Variants in KCNH5 observed in about 807,000 individuals in gnomAD.
KCNH5 encodes potassium voltage-gated channel subfamily H member 5, also known as voltage-gated delayed rectifier potassium channel KCNH5.
KCNH5 carries 46 observed loss-of-function variants against 96.1 expected under a neutral mutation model. The observed-to-expected ratio is 0.48, with a 90% CI of 0.38 to 0.61. The LOEUF is 0.61. Among genes scored for constraint, KCNH5 ranks in the 20% least tolerant of loss-of-function variants. The probability of loss-of-function intolerance (pLI) is 0.00; values close to 1 mark genes in which losing one functional copy is unlikely to be tolerated. For missense variants in KCNH5, 907 were observed against 1,225.8 expected, an observed-to-expected ratio of 0.74 and a Z score of 3.88; for synonymous variants, 439 against 449.8, an observed-to-expected ratio of 0.98 and a Z score of 0.30.
chr14:62,779,979 C>T (rs1886176145), intron 9 of KCNH5, 55 bp from the exon 10 acceptor site: 2 of 1,432,494 alleles, frequency 1.4e-6, no homozygotes, highest in Admixed American at 2.2e-5. Flanking sequence ...CTTATTTAAT[C>T]ACTCTTGTTA....
intron 1 of KCNH5, among the ~76,000 whole-genome samples, chr14:63,018,567 C>T (rs946452739): frequency 1.3e-5 from 2 of 151,978 alleles, no homozygotes; most frequent in African/African-American, 2.4e-5. Flanking sequence ...AGCCTTCCAT[C>T]TAAACAGAGA....
At chr14:62,926,302 T>C (rs1952281014) in intron 7 of KCNH5, among the ~76,000 whole-genome samples, 1 of 152,154 alleles carries the variant, frequency 6.6e-6, no homozygotes, top group African/African-American at 2.4e-5. Context: ...AACCACTATG[T>C]TGGATTTAGT....
intron 6 of KCNH5, among the ~76,000 whole-genome samples, chr14:62,962,239 CT>C (rs1168388758): frequency 3.3e-5 from 5 of 152,122 alleles, no homozygotes; most frequent in Non-Finnish European, 5.9e-5. Flanking sequence ...TGTTTCAGCC[CT>C]TTGACCAGGA....
chr14:62,988,925 C>T (rs1222910242), intron 4 of KCNH5, among the ~76,000 whole-genome samples: 2 of 152,004 alleles, frequency 1.3e-5, no homozygotes, highest in Non-Finnish European at 2.9e-5. Context: ...CTCTGCCTCA[C>T]TCATGCATCC....
chr14:62,951,483 G>T (rs1217633897), intron 6 of KCNH5, among the ~76,000 whole-genome samples: 1 of 152,136 alleles, frequency 6.6e-6, no homozygotes, highest in Non-Finnish European at 1.5e-5. Flanking sequence ...GTCATTACCT[G>T]CAAATCCATT....
intron 7 of KCNH5, among the ~76,000 whole-genome samples, chr14:62,882,686 T>C (rs1429375601): frequency 6.6e-6 from 1 of 152,218 alleles, no homozygotes; most frequent in Non-Finnish European, 1.5e-5. Flanking sequence ...TCTTTTTTAA[T>C]GTAGTTTACT....
At chr14:62,767,980 TC>T (rs1885900643) in intron 10 of KCNH5, among the ~76,000 whole-genome samples, 1 of 152,170 alleles carries the variant, frequency 6.6e-6, no homozygotes, top group African/African-American at 2.4e-5. Context: ...CCACAAGTTC[TC>T]ACTTATAACT....
At chr14:63,030,698 A>G (rs2032548711) in intron 1 of KCNH5, among the ~76,000 whole-genome samples, 1 of 152,178 alleles carries the variant, frequency 6.6e-6, no homozygotes, top group Admixed American at 6.5e-5. Flanking sequence ...GGTAGTTTTA[A>G]TGTGCAGCCA....
chr14:62,818,045 T>A (rs577139421), intron 8 of KCNH5, among the ~76,000 whole-genome samples: 1 of 130,912 alleles, frequency 7.6e-6, no homozygotes. Context: ...CTCACCTATA[T>A]GTGGAATCTA....
chr14:62,992,120 G>T (rs989537112), intron 4 of KCNH5, among the ~76,000 whole-genome samples: 1 of 151,862 alleles, frequency 6.6e-6, no homozygotes, highest in African/African-American at 2.4e-5. Context: ...TAAGATAACG[G>T]ATTCCAATTC....
At chr14:63,029,383 T>C (rs1891584348) in intron 1 of KCNH5, among the ~76,000 whole-genome samples, 1 of 152,150 alleles carries the variant, frequency 6.6e-6, no homozygotes, top group Admixed American at 6.6e-5. Context: ...ATACCCACCA[T>C]TCTGGATAGT....
At position 62,950,379 on chromosome 14, in the gene KCNH5, C is replaced by T. The variant is rs1889977673; in HGVS notation, c.1123G>A (p.Val375Ile). ...ATGGTGTTAGTGACTTCATCAATGA[C>T]CTCGTAGTCTCCGATGCTATACCAT... is the stretch of plus-strand genomic sequence containing the variant. The part of the protein sequence containing the change: ...CIWYSIGDYE[V>I]IDEVTNTIQI... The change falls in exon 7 of 11, where the codon GTC becomes ATC. Residue 375 changes from valine (V) to isoleucine (I), a missense_variant. Coordinates refer to ENST00000322893, the MANE Select transcript of KCNH5 (RefSeq NM_139318.5). 2 of 1,613,878 alleles carry T rather than the reference C, an allele frequency of 1.2e-6. No homozygotes were observed. The highest frequency in any genetic ancestry group is 1.1e-5 in the South Asian group (1 of 91,078).
At chr14:62,769,803 ACT>A (rs999332294) in intron 10 of KCNH5, among the ~76,000 whole-genome samples, 1 of 152,176 alleles carries the variant, frequency 6.6e-6, no homozygotes, top group East Asian at 1.9e-4. Context: ...TATATAGCAG[ACT>A]CTATTCTGGC....
chr14:62,735,656 C>T (rs1595599467), intron 10 of KCNH5, among the ~76,000 whole-genome samples: 1 of 152,316 alleles, frequency 6.6e-6, no homozygotes, highest in East Asian at 1.9e-4. Flanking sequence ...GCCAATGCCA[C>T]TGTTATGAAT....
intron 1 of KCNH5, among the ~76,000 whole-genome samples, chr14:63,036,512 A>C (rs1468711954): frequency 6.6e-6 from 1 of 152,136 alleles, no homozygotes; most frequent in East Asian, 1.9e-4. Flanking sequence ...CAAAAAAAAA[A>C]AAGTCAATCT....
At chr14:62,931,791 T>C (rs533751688) in intron 7 of KCNH5, among the ~76,000 whole-genome samples, 1 of 152,280 alleles carries the variant, frequency 6.6e-6, no homozygotes, top group South Asian at 2.1e-4. Context: ...CCTTCCCTAA[T>C]TCCACAGAGC....
At chr14:62,818,070 A>G (rs553539643) in intron 8 of KCNH5, among the ~76,000 whole-genome samples, 1 of 122,808 alleles carries the variant, frequency 8.1e-6, no homozygotes, top group South Asian at 2.9e-4. Context: ...ACTCAAACCC[A>G]TAGAAACAGG....
chr14:62,817,107 T>C (rs1001659302), intron 8 of KCNH5, among the ~76,000 whole-genome samples: 5 of 137,832 alleles, frequency 3.6e-5, no homozygotes, highest in Non-Finnish European at 6.2e-5. Flanking sequence ...TATAATTATA[T>C]ATGACATAAT....
chr14:62,890,471 G>A (rs1207181664), intron 7 of KCNH5, among the ~76,000 whole-genome samples: 1 of 151,870 alleles, frequency 6.6e-6, no homozygotes, highest in Non-Finnish European at 1.5e-5. Flanking sequence ...CGAGGCGGGC[G>A]GATCACGAGG....
Sources: gnomAD v4.1 joint callset for allele counts (sites outside exome capture counted in the v4.1 genomes callset) on GRCh38, gnomAD v4.1.1 for gene constraint, MANE v1.5 for transcripts, NCBI Gene and HGNC (gene_info 2026-07-23, HGNC 2026-07-21) for gene names.